Variants in SLC37A1 observed in about 807,000 individuals in gnomAD.
SLC37A1 encodes the protein glucose-6-phosphate exchanger SLC37A1.
Under a neutral mutation model 75.3 loss-of-function variants are expected in SLC37A1, and 49 were observed. The observed-to-expected ratio is 0.65, with a 90% CI of 0.52 to 0.83. The LOEUF is 0.83. Among genes scored for constraint, SLC37A1 ranks in the 40% least tolerant of loss-of-function variants. SLC37A1 has a pLI of 0.00. For synonymous variants in SLC37A1, 268 were observed against 292.1 expected, an observed-to-expected ratio of 0.92 and a Z score of 0.84; for missense variants, 566 against 695.0, an observed-to-expected ratio of 0.81 and a Z score of 2.09.
In SLC37A1 at chr21:42,552,728, C is replaced by A. The variant is rs554133336; in HGVS notation, c.769-1334C>A. ...AACATCATTTCTGCTTAGCTGACCA[C>A]ATCAAGCTGAAAAGGAATTTTAAGA... On this transcript the variant is annotated intron_variant, in intron 9 of 19. Transcript: ENST00000352133. The surrounding 1 kb of genome is among the most constrained non-coding windows in gnomAD (Gnocchi z 4.2). Among the ~76,000 whole-genome samples, 19 of 152,330 alleles carry A rather than the reference C, an allele frequency of 1.2e-4. No homozygotes were observed. The highest frequency in any genetic ancestry group is 4.6e-4 in the African/African-American group (19 of 41,568).
At chr21:42,568,080 C>A (rs527448233) in intron 16 of SLC37A1, among the ~76,000 whole-genome samples, 1 of 152,378 alleles carries the variant, frequency 6.6e-6, no homozygotes, top group African/African-American at 2.4e-5. Flanking sequence ...GCTCTGGGGC[C>A]TCAGGGAGGA....
At chr21:42,508,321 G>A (rs1330761580) in intron 2 of SLC37A1, among the ~76,000 whole-genome samples, 1 of 151,914 alleles carries the variant, frequency 6.6e-6, no homozygotes, top group African/African-American at 2.4e-5. Flanking sequence ...TAGAGACAGG[G>A]TTTCACCATG....
intron 18 of SLC37A1, chr21:42,575,618 A>ACCTGGCCACAAAGTCC: frequency 2.0e-6 from 2 of 985,434 alleles, no homozygotes; most frequent in Non-Finnish European, 2.4e-6. Context: ...TTTACAAGTC[A>ACCTGGCCACAAAGTCC]CCTGGCCACA....
intron 5 of SLC37A1, among the ~76,000 whole-genome samples, chr21:42,536,949 A>G (rs1281652628): frequency 6.6e-6 from 1 of 152,220 alleles, no homozygotes; most frequent in East Asian, 1.9e-4. Context: ...CCACAGCCAG[A>G]GACTGAGGCA....
chr21:42,534,978 C>A, intron 4 of SLC37A1, 148 bp downstream of exon 4: 1 of 1,099,312 alleles, frequency 9.1e-7, no homozygotes, highest in Admixed American at 2.7e-5. Context: ...GACTTCACCG[C>A]CACGGTGTCC....
At chr21:42,574,049 A>G (rs2056252215) in intron 17 of SLC37A1, among the ~76,000 whole-genome samples, 1 of 152,106 alleles carries the variant, frequency 6.6e-6, no homozygotes, top group South Asian at 2.1e-4. Flanking sequence ...ACACACACAT[A>G]TATGCACACA....
At chr21:42,540,331 C>T (rs2055244994) in intron 6 of SLC37A1, among the ~76,000 whole-genome samples, 1 of 152,206 alleles carries the variant, frequency 6.6e-6, no homozygotes, top group Non-Finnish European at 1.5e-5. Flanking sequence ...ACAACTGAAA[C>T]ACCTTTATCA....
intron 14 of SLC37A1, among the ~76,000 whole-genome samples, chr21:42,565,081 G>A (rs2055942337): frequency 1.3e-5 from 2 of 152,216 alleles, no homozygotes; most frequent in Admixed American, 1.3e-4. Context: ...CCATCCTTTG[G>A]GATCCGCAAC....
chr21:42,579,888 T>TGAAA, intron 19 of SLC37A1, 88 bp downstream of exon 19: 1 of 1,286,016 alleles, frequency 7.8e-7, no homozygotes, highest in Non-Finnish European at 1.1e-6. Context: ...CTGGCTTTCC[T>TGAAA]GAAAGAAAGA....
chr21:42,547,544 C>T lies in SLC37A1; in HGVS notation c.768+404C>T, dbSNP rs184145493. 19 of 199,042 alleles carry T rather than the reference C, an allele frequency of 9.5e-5. No individual in the cohort carries two copies. In the South Asian group the frequency reaches 1.0e-3, roughly 11 times the overall value. The allele number at this position is 199,042 out of a possible 1,614,324, so 12.3% of individuals were successfully genotyped here. On this transcript the variant is annotated intron_variant, in intron 9 of 19. Coordinates refer to ENST00000352133, the MANE Select transcript of SLC37A1 (RefSeq NM_001320537.2). The surrounding 1 kb of genome is among the most constrained non-coding windows in gnomAD (Gnocchi z 6.1). Reference sequence around the variant, plus strand: ...AGGTGGCCGAGAGGTCTGCCCAGCACGCCATTCCTTCTCTTCTGTACCCCT... The same window carrying T: ...AGGTGGCCGAGAGGTCTGCCCAGCATGCCATTCCTTCTCTTCTGTACCCCT...
intron 3 of SLC37A1, among the ~76,000 whole-genome samples, chr21:42,526,861 AAAG>A (rs1282226167): frequency 6.6e-6 from 1 of 152,136 alleles, no homozygotes; most frequent in Non-Finnish European, 1.5e-5. Flanking sequence ...AAGAATATGA[AAAG>A]AGGTGGTGGG....
At chr21:42,524,024 CACA>C (rs1248228831) in intron 2 of SLC37A1, among the ~76,000 whole-genome samples, 2 of 152,122 alleles carry the variant, frequency 1.3e-5, no homozygotes, top group Non-Finnish European at 2.9e-5. Flanking sequence ...CGGAGTAAAT[CACA>C]ACATTAAAAA....
At chr21:42,579,627 A>G in intron 18 of SLC37A1, 109 bp from the exon 19 acceptor site, 3 of 884,778 alleles carry the variant, frequency 3.4e-6, no homozygotes, top group Admixed American at 3.1e-5. Context: ...TGCTGTGGGG[A>G]GAGAGCCACC....
At chr21:42,525,145 C>T (rs559700423) in intron 2 of SLC37A1, among the ~76,000 whole-genome samples, 35 of 152,372 alleles carry the variant, frequency 2.3e-4, no homozygotes, top group Admixed American at 2.2e-3. Context: ...TCCGAGCTCC[C>T]TGCCCCATAC....
At chr21:42,537,801 C>T (rs1486301321) in intron 5 of SLC37A1, among the ~76,000 whole-genome samples, 2 of 152,232 alleles carry the variant, frequency 1.3e-5, no homozygotes, top group Non-Finnish European at 2.9e-5. Flanking sequence ...GACATCTACA[C>T]AGTAAACTCA....
chr21:42,545,646 G>A lies in SLC37A1; in HGVS notation c.731-1457G>A, dbSNP rs2055388658. Among the ~76,000 whole-genome samples the A allele has an allele frequency of 6.6e-6, 1 of 152,248 alleles. No individual in the cohort carries two copies. Among genetic ancestry groups the A allele is most frequent in the African/African-American group, 2.4e-5 (1 of 41,472 alleles). ...AAGGGACGTGTGTGCCCAAGTCCCT[G>A]AAGGTGAAAGTCCAGGAAGAGCCAT... On this transcript the variant is annotated intron_variant, in intron 8 of 19. Transcript: ENST00000352133. This position sits in a 1 kb window ranked among gnomAD's most constrained non-coding sequence, Gnocchi z 4.0.
Position 42,534,845 on chromosome 21 carries a change from G to T in SLC37A1, c.271+15G>T. ...GGCACCGTTTGGTAAGTCGATTATC[G>T]GTCCGTCCAGGAGCCGAAGCGGCTG... On this transcript the variant is annotated intron_variant, in intron 4 of 19. Coordinates refer to ENST00000352133, the MANE Select transcript of SLC37A1 (RefSeq NM_001320537.2). The T allele has an allele frequency of 6.2e-7, 1 of 1,612,368 alleles. No homozygotes were observed. Among genetic ancestry groups the T allele is most frequent in the Non-Finnish European group, 8.5e-7 (1 of 1,179,118 alleles).
At position 42,554,056 on chromosome 21, in the gene SLC37A1, TACCAGCA is replaced by T; in HGVS notation, c.769-5_770del. 6.2e-7 allele frequency: 1 copy of T among 1,602,472 alleles called. No individual in the cohort carries two copies. Among genetic ancestry groups the T allele is most frequent in the South Asian group, 1.1e-5 (1 of 88,274 alleles). On this transcript the variant is annotated splice_acceptor_variant and splice_polypyrimidine_tract_variant and coding_sequence_variant and intron_variant, in exon 10 of 20. Coordinates refer to ENST00000352133, the MANE Select transcript of SLC37A1 (RefSeq NM_001320537.2). LOFTEE classifies it high-confidence loss of function. ...ATCGCTCTAATGAAACTTTTTTTTT[TACCAGCA>T]CTCAAAAGGCTATGAGAATGGTACA...
Position 42,575,928 on chromosome 21 carries a change from A to C in SLC37A1, c.1521+1013A>C, listed in dbSNP as rs140662542. 6.0e-4 allele frequency: 592 copies of C among 985,402 alleles called. 2 individuals carry two copies. In the African/African-American group the frequency reaches 9.7e-3, roughly 16 times the overall value. 61.0% of individuals were successfully genotyped at this position (985,402 alleles called of 1,614,324 possible). A position where few individuals can be genotyped will look rare whatever the true frequency, so the allele number is the denominator to read the frequency against. ...TCCAGATGGATTTCCACTAAGTAGCAGTAAAATTCCTGTCATTACAACTGT... is the reference window on the plus strand; with the variant it reads ...TCCAGATGGATTTCCACTAAGTAGCCGTAAAATTCCTGTCATTACAACTGT... On this transcript the variant is annotated intron_variant, in intron 18 of 19. Coordinates refer to ENST00000352133, the MANE Select transcript of SLC37A1 (RefSeq NM_001320537.2).
Sources: allele counts gnomAD v4.1 joint callset (sites outside exome capture counted in the v4.1 genomes callset), GRCh38; gene constraint gnomAD v4.1.1; non-coding constraint Gnocchi (gnomAD v3.1); transcripts MANE v1.5; gene names NCBI Gene and HGNC (gene_info 2026-07-23, HGNC 2026-07-21).